Variants in PTPRG observed in about 807,000 individuals in gnomAD.
PTPRG encodes receptor-type tyrosine-protein phosphatase gamma.
In PTPRG, 102 loss-of-function variants were observed where a neutral mutation model predicts 165.3. The ratio of observed to expected loss-of-function variants is 0.62; its 90% CI spans 0.53 to 0.73. PTPRG has a LOEUF of 0.73. PTPRG is among the 30% of genes least tolerant of loss of function. The pLI is 0.00. For missense variants in PTPRG, 1,866 were observed against 1,861.4 expected, an observed-to-expected ratio of 1.00 and a Z score of -0.05; for synonymous variants, 675 against 669.5, an observed-to-expected ratio of 1.01 and a Z score of -0.13.
In PTPRG at chr3:62,132,636, T is replaced by C; in HGVS notation, c.650T>C (p.Ile217Thr). ...AGGGACAATTCTGCACTGGATCCTA[T>C]TATCCACGGGTTGAAGGGTGTCGTA... ...SPRDNSALDP[I>T]IHGLKGVVHH... Residue 217 changes from isoleucine to threonine, a missense_variant, in exon 6 of 30, where the codon ATT becomes ACT. By Grantham distance (89) the Ile-to-Thr change is moderately conservative. This residue lies in a region of PTPRG where 408 missense variants were observed against 376.2 expected (regional missense o/e 1.08). Coordinates refer to ENST00000474889, the MANE Select transcript of PTPRG (RefSeq NM_002841.4). The C allele has an allele frequency of 1.2e-6, 2 of 1,612,494 alleles. No homozygotes were observed. The highest frequency in any genetic ancestry group is 1.7e-6 in the Non-Finnish European group (2 of 1,178,496).
At position 62,271,421 on chromosome 3, in the gene PTPRG, G is replaced by A. The variant is rs1459838328; in HGVS notation, c.3048G>A (p.Arg1016=). Residue 1016 remains arginine, a synonymous_variant, in exon 21 of 30, where the codon AGG becomes AGA. Coordinates refer to ENST00000474889, the MANE Select transcript of PTPRG (RefSeq NM_002841.4). This position sits in a 1 kb window ranked among gnomAD's most constrained non-coding sequence, Gnocchi z 4.1. ...KGNPKGRQNE[R]VVIQYHYTQW... ...ATCCCAAGGGTCGTCAGAATGAAAG[G>A]GTAGTGATCCAGTATCACTATACAC... The A allele has an allele frequency of 6.2e-7, 1 of 1,612,326 alleles. No homozygotes were observed. The highest frequency in any genetic ancestry group is 8.5e-7 in the Non-Finnish European group (1 of 1,178,966).
At chr3:61,981,247 C>G (rs2040637429) in intron 2 of PTPRG, among the ~76,000 whole-genome samples, 1 of 152,318 alleles carries the variant, frequency 6.6e-6, no homozygotes, top group Middle Eastern at 3.4e-3. Flanking sequence ...CACTTTCCTC[C>G]ACCTAGTCGC....
chr3:61,802,219 G>T (rs1005740079), intron 2 of PTPRG, among the ~76,000 whole-genome samples: 6 of 152,134 alleles, frequency 3.9e-5, no homozygotes, highest in African/African-American at 1.4e-4. Context: ...GTAGGAGAAT[G>T]AGCCCTGGTG....
At chr3:61,674,220 G>A (rs1703138484) in intron 1 of PTPRG, among the ~76,000 whole-genome samples, 1 of 151,536 alleles carries the variant, frequency 6.6e-6, no homozygotes, top group African/African-American at 2.4e-5. Context: ...CATGAGAAAA[G>A]CCTATTGAAT....
chr3:61,652,374 G>C (rs17065156), intron 1 of PTPRG, among the ~76,000 whole-genome samples: 1,647 of 152,232 alleles, frequency 0.011, 24 homozygotes, highest in African/African-American at 0.036. Flanking sequence ...CTGCAGATGC[G>C]GAGTGTGTTA....
chr3:61,907,380 G>A (rs112739470), intron 2 of PTPRG, among the ~76,000 whole-genome samples: 1,795 of 152,256 alleles, frequency 0.012, 17 homozygotes, highest in Non-Finnish European at 0.018. Context: ...TGATCAGGCC[G>A]TCTTCCCAGC....
At chr3:61,766,548 C>T (rs1198559165) in intron 2 of PTPRG, among the ~76,000 whole-genome samples, 5 of 151,952 alleles carry the variant, frequency 3.3e-5, no homozygotes, top group African/African-American at 1.2e-4. Flanking sequence ...TAGTAGACTG[C>T]ATTATAGAAA....
At position 62,111,649 on chromosome 3, in the gene PTPRG, G is replaced by A. The variant is rs150095681; in HGVS notation, c.616-20953G>A. Among the ~76,000 whole-genome samples, 1,030 of 152,202 alleles carry A rather than the reference G, an allele frequency of 6.8e-3. 29 individuals are homozygous for A. The highest frequency in any genetic ancestry group is 0.053 in the Admixed American group (807 of 15,294). On this transcript the variant is annotated intron_variant, in intron 5 of 29. Transcript: ENST00000474889. Reference sequence around the variant, plus strand: ...TTTTTAGTAGGAACAGGGTCTCACTGTGTTGTCCAGGCTGGTCTTGAACTC... The same window carrying A: ...TTTTTAGTAGGAACAGGGTCTCACTATGTTGTCCAGGCTGGTCTTGAACTC...
At chr3:61,726,775 C>T (rs929118346) in intron 1 of PTPRG, among the ~76,000 whole-genome samples, 3 of 152,262 alleles carry the variant, frequency 2.0e-5, no homozygotes, top group East Asian at 3.9e-4. Flanking sequence ...TGGCCGGGTG[C>T]GGTGGCTCAC....
chr3:61,790,017 C>G (rs540350107), intron 2 of PTPRG, among the ~76,000 whole-genome samples: 44 of 152,136 alleles, frequency 2.9e-4, no homozygotes, highest in Non-Finnish European at 5.9e-5. Flanking sequence ...TCGGCATGGC[C>G]GTGGGATTCA....
intron 14 of PTPRG, among the ~76,000 whole-genome samples, chr3:62,239,049 A>G (rs1357711162): frequency 1.3e-5 from 2 of 152,196 alleles, no homozygotes; most frequent in Non-Finnish European, 2.9e-5. Flanking sequence ...AACATGAAAT[A>G]TATGGTGGGG....
At chr3:61,659,483 T>G in intron 1 of PTPRG, 3 of 977,832 alleles carry the variant, frequency 3.1e-6, no homozygotes, top group Non-Finnish European at 3.6e-6. Context: ...GGAAGGAGAG[T>G]CAGAAGAGAA....
chr3:61,850,143 C>T (rs1331215369), intron 2 of PTPRG, among the ~76,000 whole-genome samples: 1 of 151,872 alleles, frequency 6.6e-6, no homozygotes, highest in Non-Finnish European at 1.5e-5. Flanking sequence ...TATTTAATAT[C>T]CTGTTCTTTT....
chr3:62,118,114 A>C (rs1353958149), intron 5 of PTPRG, among the ~76,000 whole-genome samples: 1 of 152,216 alleles, frequency 6.6e-6, no homozygotes, highest in Non-Finnish European at 1.5e-5. Context: ...TCCAGACTGA[A>C]GAATCTGAGG....
At chr3:61,710,965 C>T (rs1343218602) in intron 1 of PTPRG, among the ~76,000 whole-genome samples, 1 of 152,040 alleles carries the variant, frequency 6.6e-6, no homozygotes, top group African/African-American at 2.4e-5. Flanking sequence ...TGTTCCCCTC[C>T]CTGTGTCCAT....
rs770205364 is a variant in PTPRG at position 62,292,428 on chromosome 3, G to A, written c.4063G>A (p.Ala1355Thr). The A allele has an allele frequency of 4.3e-6, 7 of 1,611,550 alleles. No homozygotes were observed. The highest frequency in any genetic ancestry group is 5.9e-6 in the Non-Finnish European group (7 of 1,179,008). The change falls in exon 29 of 30, where the codon GCA becomes ACA. Residue 1355 changes from alanine (A) to threonine (T), a missense_variant. Ala to Thr is a moderately conservative substitution (Grantham distance 58). Around this residue, in one of 3 missense-constraint regions of PTPRG, gnomAD observed 1,452 missense variants for 1,463.0 expected, o/e 0.99. Transcript: ENST00000474889. The stretch of plus-strand genomic sequence containing the variant: ...TTTTTTTTTCTCCCCCAGGTATGGA[G>A]CAGTTTCAGCAGGAATGTTATGTGC... ...GPTIVHDEYG[A>T]VSAGMLCALT...
intron 4 of PTPRG, among the ~76,000 whole-genome samples, chr3:62,069,684 T>TCTCTCTCTCTCTCACA (rs542306888): frequency 2.3e-4 from 33 of 145,026 alleles, no homozygotes; most frequent in African/African-American, 7.1e-4. Flanking sequence ...TCTCTCTCTC[T>TCTCTCTCTCTCTCACA]CACACACAGA....
At chr3:62,031,465 T>C (rs947094581) in intron 4 of PTPRG, among the ~76,000 whole-genome samples, 1 of 152,066 alleles carries the variant, frequency 6.6e-6, no homozygotes, top group Non-Finnish European at 1.5e-5. Flanking sequence ...AAGATTACCA[T>C]GATATGGAGA....
intron 1 of PTPRG, among the ~76,000 whole-genome samples, chr3:61,654,956 A>G (rs185317076): frequency 2.1e-5 from 3 of 141,632 alleles, no homozygotes; most frequent in Non-Finnish European, 4.7e-5. Context: ...TACTTTTTGT[A>G]TTTTTTTTTT....
Sources: gnomAD v4.1 joint callset for allele counts (sites outside exome capture counted in the v4.1 genomes callset) on GRCh38, gnomAD v4.1.1 for gene constraint, gnomAD v4.1.1 regional missense constraint, Gnocchi (gnomAD v3.1) non-coding constraint, MANE v1.5 for transcripts, NCBI Gene and HGNC (gene_info 2026-07-23, HGNC 2026-07-21) for gene names.